The following ENPP1 variants were observed in gnomAD, a reference collection of about 807,000 sequenced individuals.
ENPP1 encodes the protein ectonucleotide pyrophosphatase/phosphodiesterase 1.
ENPP1 carries 73 observed loss-of-function variants against 122.8 expected under a neutral mutation model. The observed-to-expected ratio is 0.59, with a 90% CI of 0.49 to 0.72. ENPP1 has a LOEUF of 0.72. ENPP1 is among the 30% of genes least tolerant of loss of function. The pLI is 0.00. For synonymous variants in ENPP1, 367 were observed against 391.6 expected, an observed-to-expected ratio of 0.94 and a Z score of 0.74; for missense variants, 978 against 1,128.1, an observed-to-expected ratio of 0.87 and a Z score of 1.91.
intron 5 of ENPP1, among the ~76,000 whole-genome samples, chr6:131,853,422 C>G (rs374162281): frequency 2.0e-5 from 3 of 152,242 alleles, no homozygotes; most frequent in African/African-American, 7.2e-5. Context: ...AAACATAACC[C>G]TTTCTTTACA....
chr6:131,819,953 T>TC (rs1721411181), intron 1 of ENPP1: 4 of 561,538 alleles, frequency 7.1e-6, no homozygotes, highest in South Asian at 1.6e-5. Flanking sequence ...TTTTTTTTTT[T>TC]CGCATCTTGC....
chr6:131,865,089 C>CT, intron 11 of ENPP1, 151 bp downstream of exon 11: 1 of 665,436 alleles, frequency 1.5e-6, no homozygotes. Context: ...TAAGGATGCA[C>CT]TTTAAACAAA....
At chr6:131,878,495 A>T in intron 18 of ENPP1, 47 bp from the exon 19 acceptor site, 1 of 1,216,232 alleles carries the variant, frequency 8.2e-7, no homozygotes, top group Non-Finnish European at 1.2e-6. Flanking sequence ...TACAAAATTT[A>T]AAACATGTCT....
At chr6:131,860,902 T>G (rs1381100946) in intron 8 of ENPP1, among the ~76,000 whole-genome samples, 2 of 152,318 alleles carry the variant, frequency 1.3e-5, no homozygotes, top group African/African-American at 4.8e-5. Context: ...CTTTCCAAGC[T>G]GTGTTCTCCT....
chr6:131,852,693 G>T (rs891094569), intron 5 of ENPP1, among the ~76,000 whole-genome samples: 9 of 152,200 alleles, frequency 5.9e-5, no homozygotes, highest in African/African-American at 2.2e-4. Context: ...TGGTATTGAA[G>T]AATGCTAGAT....
intron 9 of ENPP1, among the ~76,000 whole-genome samples, chr6:131,862,931 G>T (rs552007771): frequency 6.6e-6 from 1 of 151,804 alleles, no homozygotes; most frequent in African/African-American, 2.4e-5. Context: ...TTTTCTGGGC[G>T]GTGGGGAAGG....
chr6:131,830,198 ACC>A (rs1781593700), intron 1 of ENPP1, among the ~76,000 whole-genome samples: 2 of 152,128 alleles, frequency 1.3e-5, no homozygotes, highest in Non-Finnish European at 2.9e-5. Context: ...GAGGCTGTGC[ACC>A]TGTGGAAGGC....
chr6:131,846,115 T>C (rs759542381), intron 1 of ENPP1, among the ~76,000 whole-genome samples: 1 of 152,212 alleles, frequency 6.6e-6, no homozygotes, highest in Non-Finnish European at 1.5e-5. Context: ...GCAGAGGTCA[T>C]GTCTGTTTTA....
chr6:131,837,622 T>C (rs908934670), intron 1 of ENPP1, among the ~76,000 whole-genome samples: 9 of 151,966 alleles, frequency 5.9e-5, no homozygotes, highest in African/African-American at 2.2e-4. Context: ...TCCCCTTCCT[T>C]CTATCATTGT....
At chr6:131,831,678 A>G (rs1040011971) in intron 1 of ENPP1, among the ~76,000 whole-genome samples, 14 of 152,230 alleles carry the variant, frequency 9.2e-5, no homozygotes, top group Non-Finnish European at 1.8e-4. Context: ...TTTGGGAAGC[A>G]CATGACAGAT....
chr6:131,837,171 A>G (rs1285515241), intron 1 of ENPP1, among the ~76,000 whole-genome samples: 3 of 76,362 alleles, frequency 3.9e-5, no homozygotes, highest in African/African-American at 9.1e-5. Context: ...TCCTGTTGTC[A>G]TTGTGTGTGT....
At chr6:131,860,332 T>A (rs892278272) in intron 7 of ENPP1, 55 bp from the exon 8 acceptor site, 19 of 1,294,412 alleles carry the variant, frequency 1.5e-5, no homozygotes, top group Admixed American at 1.3e-4. Context: ...TTTCTGTGAA[T>A]GTATTTAACA....
rs186334957 is a variant in ENPP1, at chr6:131,818,979, T to C, written c.240+10704T>C. Among the ~76,000 whole-genome samples the C allele has an allele frequency of 1.5e-3, 226 of 152,346 alleles. 2 individuals are homozygous for C. In the East Asian group the frequency reaches 0.037, roughly 25 times the overall value. ...AAGCTATCAGCTGTCTATGATAAAA[T>C]CTGAGCTTCCAAGCAAAAATTAGAA... On this transcript the variant is annotated intron_variant, in intron 1 of 24. Transcript: ENST00000647893.
chr6:131,859,143 T>A (rs1444067471), intron 7 of ENPP1, among the ~76,000 whole-genome samples: 1 of 152,232 alleles, frequency 6.6e-6, no homozygotes. Context: ...CAAGCCACTT[T>A]GCCTGACTCC....
intron 1 of ENPP1, among the ~76,000 whole-genome samples, chr6:131,839,433 C>G (rs1336937011): frequency 6.6e-6 from 1 of 151,968 alleles, no homozygotes; most frequent in East Asian, 1.9e-4. Flanking sequence ...TTTGAGTATT[C>G]AGGCAGAATT....
intron 1 of ENPP1, among the ~76,000 whole-genome samples, chr6:131,833,275 A>G (rs541202003): frequency 4.6e-5 from 7 of 151,768 alleles, no homozygotes; most frequent in Non-Finnish European, 1.0e-4. Flanking sequence ...AAAGGGACTC[A>G]TTGATTTGTA....
rs777345351 is a variant in ENPP1, at chr6:131,808,270, T to C, written c.235T>C (p.Ser79Pro). The change falls in exon 1 of 25, where the codon TCG becomes CCG. Residue 79 changes from serine (S) to proline (P), a missense_variant. Coordinates refer to ENST00000647893, the MANE Select transcript of ENPP1 (RefSeq NM_006208.3). The part of the protein sequence containing the change: ...AKDPNTYKVL[S>P]LVLSVCVLTT... The stretch of plus-strand genomic sequence containing the variant: ...GGACCCCAACACCTATAAAGTACTC[T>C]CGCTGGTAGGTCCGCGGCCAGGCCC... 6.7e-6 allele frequency: 10 copies of C among 1,503,162 alleles called. No individual in the cohort carries two copies. The South Asian group carries it at 1.1e-4, about 17-fold the overall frequency. 93.1% of individuals were successfully genotyped at this position (1,503,162 alleles called of 1,614,324 possible).
At chr6:131,850,912 A>G (rs1452816333) in intron 3 of ENPP1, among the ~76,000 whole-genome samples, 1 of 152,232 alleles carries the variant, frequency 6.6e-6, no homozygotes, top group Non-Finnish European at 1.5e-5. Context: ...TCTAAATTTG[A>G]AAATGACAAA....
chr6:131,887,964 G>A (rs1201764990), intron 24 of ENPP1, among the ~76,000 whole-genome samples: 4 of 127,632 alleles, frequency 3.1e-5, no homozygotes, highest in Non-Finnish European at 6.7e-5. Context: ...GGGCTCAAGC[G>A]ATTCTCCTGC....
Sources: gnomAD v4.1 joint callset for allele counts (sites outside exome capture counted in the v4.1 genomes callset) on GRCh38, gnomAD v4.1.1 for gene constraint, MANE v1.5 for transcripts, NCBI Gene and HGNC (gene_info 2026-07-23, HGNC 2026-07-21) for gene names.